MALRD1: variants seen among roughly 807,000 people sequenced by gnomAD.
The protein encoded by MALRD1 is MAM and LDL-receptor class A domain-containing protein 1.
MALRD1 carries 247 observed loss-of-function variants against 242.1 expected under a neutral mutation model. The observed-to-expected ratio is 1.02, with a 90% CI of 0.92 to 1.13. The LOEUF (loss-of-function observed/expected upper bound fraction) is 1.13. MALRD1 is among the 50% of genes most tolerant of loss of function. The pLI, the probability that MALRD1 is intolerant of heterozygous loss-of-function variation, is 0.00. For synonymous variants in MALRD1, 995 were observed against 866.6 expected, an observed-to-expected ratio of 1.15 and a Z score of -2.60; for missense variants, 2,989 against 2,533.1, an observed-to-expected ratio of 1.18 and a Z score of -3.86.
rs542462202 is a variant in MALRD1 at position 19,552,972 on chromosome 10, T to C, written c.5479-14530T>C. Among the ~76,000 whole-genome samples the C allele has an allele frequency of 1.7e-4, 26 of 152,240 alleles. No individual in the cohort carries two copies. The East Asian group carries it at 3.7e-3, about 22-fold the overall frequency. ...AAACAAATTTTAATATGCAAGTGTT[T>C]ATTTATATAATACATAAACGGAAAA... On this transcript the variant is annotated intron_variant, in intron 32 of 39. Coordinates refer to ENST00000454679, the MANE Select transcript of MALRD1 (RefSeq NM_001142308.3).
intron 9 of MALRD1, among the ~76,000 whole-genome samples, chr10:19,134,732 GTTTC>G (rs1240558372): frequency 6.6e-6 from 1 of 152,072 alleles, no homozygotes; most frequent in Non-Finnish European, 1.5e-5. Flanking sequence ...TACTAAACAA[GTTTC>G]TTTTTTTATA....
intron 31 of MALRD1, among the ~76,000 whole-genome samples, chr10:19,503,978 A>G (rs1838087549): frequency 6.6e-6 from 1 of 152,236 alleles, no homozygotes; most frequent in Non-Finnish European, 1.5e-5. Context: ...CAAGCTTACT[A>G]TCATGCATTT....
intron 30 of MALRD1, among the ~76,000 whole-genome samples, chr10:19,496,133 C>T (rs866097378): frequency 1.3e-5 from 2 of 152,134 alleles, no homozygotes; most frequent in Non-Finnish European, 2.9e-5. Context: ...AAGACTTCAA[C>T]ACCCCACTGA....
chr10:19,533,137 A>G (rs977650296), intron 32 of MALRD1, among the ~76,000 whole-genome samples: 1 of 152,322 alleles, frequency 6.6e-6, no homozygotes, highest in South Asian at 2.1e-4. Flanking sequence ...CAATTCAAAA[A>G]GACCACCCCT....
intron 31 of MALRD1, among the ~76,000 whole-genome samples, chr10:19,513,631 C>T (rs1350976936): frequency 2.0e-5 from 3 of 151,470 alleles, no homozygotes; most frequent in East Asian, 1.9e-4. Flanking sequence ...CCCAGCTACT[C>T]GGGAGGCTGA....
In MALRD1 at chr10:19,530,381, A is replaced by ATATAATAT. The variant is rs1431759440; in HGVS notation, c.5321-812_5321-811insATAATATT. Among the ~76,000 whole-genome samples, 45 of 90,232 alleles carry ATATAATAT rather than the reference A, an allele frequency of 5.0e-4. 2 individuals carry two copies. In the South Asian group the frequency reaches 8.8e-3, roughly 18 times the overall value. The allele number at this position is 90,232 out of a possible 152,430, so 59.2% of individuals were successfully genotyped here. A position where few individuals can be genotyped will look rare whatever the true frequency, so the allele number is the denominator to read the frequency against. ...TATTTATATAAATATTTATATAAAT[A>ATATAATAT]TTATATATTTATATAAATATTATAT... On this transcript the variant is annotated intron_variant, in intron 31 of 39. Coordinates refer to ENST00000454679, the MANE Select transcript of MALRD1 (RefSeq NM_001142308.3).
intron 28 of MALRD1, among the ~76,000 whole-genome samples, chr10:19,431,912 A>G (rs1294776009): frequency 6.6e-6 from 1 of 152,088 alleles, no homozygotes; most frequent in East Asian, 1.9e-4. Flanking sequence ...GCCTTTACTT[A>G]TTACTCCTCC....
intron 29 of MALRD1, chr10:19,489,132 C>T (rs1195878881): frequency 2.1e-6 from 1 of 466,442 alleles, no homozygotes; most frequent in Middle Eastern, 3.2e-4. Context: ...CTGAAGGGGC[C>T]GCCACAGGAA....
intron 18 of MALRD1, among the ~76,000 whole-genome samples, chr10:19,251,444 C>T (rs1436362555): frequency 1.3e-5 from 2 of 151,940 alleles, no homozygotes; most frequent in Non-Finnish European, 2.9e-5. Flanking sequence ...GTATTCCTCT[C>T]CTATGGTGTG....
intron 36 of MALRD1, among the ~76,000 whole-genome samples, chr10:19,664,032 T>C (rs1339342419): frequency 6.6e-6 from 1 of 151,944 alleles, no homozygotes; most frequent in Non-Finnish European, 1.5e-5. Context: ...AGGGAATTCA[T>C]CCCTAAGTGG....
At chr10:19,708,199 C>A (rs1833949647) in intron 38 of MALRD1, among the ~76,000 whole-genome samples, 1 of 120,352 alleles carries the variant, frequency 8.3e-6, no homozygotes, top group East Asian at 2.5e-4. Context: ...TATATATTTT[C>A]TTATGTATAA....
intron 22 of MALRD1, among the ~76,000 whole-genome samples, chr10:19,325,010 T>C (rs1157976900): frequency 1.2e-4 from 17 of 146,994 alleles, no homozygotes; most frequent in African/African-American, 4.0e-4. Flanking sequence ...TAGTTGCTTT[T>C]TTTTTTTTTT....
chr10:19,066,985 C>A, intron 2 of MALRD1, 126 bp downstream of exon 2: 1 of 632,826 alleles, frequency 1.6e-6, no homozygotes, highest in Non-Finnish European at 2.3e-6. Context: ...ATTAGGGAAG[C>A]AGAATCTTGT....
intron 36 of MALRD1, among the ~76,000 whole-genome samples, chr10:19,648,660 C>G (rs1316649219): frequency 6.6e-6 from 1 of 151,988 alleles, no homozygotes; most frequent in African/African-American, 2.4e-5. Flanking sequence ...AACCCTTAGT[C>G]AAAGAAAAAA....
At chr10:19,257,898 C>A in intron 19 of MALRD1, 127 bp downstream of exon 19, 2 of 591,042 alleles carry the variant, frequency 3.4e-6, no homozygotes, top group Non-Finnish European at 5.5e-6. Flanking sequence ...TTTCTCAAAA[C>A]TATTAACTCT....
At chr10:19,328,304 T>C (rs917081344) in intron 23 of MALRD1, among the ~76,000 whole-genome samples, 6 of 152,156 alleles carry the variant, frequency 3.9e-5, no homozygotes, top group Admixed American at 2.6e-4. Context: ...AAGACCTCCA[T>C]TGGCTGTTGT....
intron 28 of MALRD1, among the ~76,000 whole-genome samples, chr10:19,430,862 T>A (rs910708703): frequency 1.3e-5 from 2 of 152,206 alleles, no homozygotes; most frequent in African/African-American, 4.8e-5. Context: ...AAGTTGTGTT[T>A]CTATTATTTT....
intron 14 of MALRD1, among the ~76,000 whole-genome samples, chr10:19,178,043 T>G (rs1426017965): frequency 1.3e-5 from 2 of 152,126 alleles, no homozygotes; most frequent in African/African-American, 4.8e-5. Flanking sequence ...TTTCCTGAGC[T>G]CTTACCGAGG....
intron 13 of MALRD1, among the ~76,000 whole-genome samples, chr10:19,167,578 T>C (rs1834750666): frequency 6.6e-6 from 1 of 152,162 alleles, no homozygotes; most frequent in South Asian, 2.1e-4. Flanking sequence ...AAAATAATGC[T>C]TGATCTTAGA....
Sources: gnomAD v4.1 joint callset for allele counts (sites outside exome capture counted in the v4.1 genomes callset) on GRCh38, gnomAD v4.1.1 for gene constraint, MANE v1.5 for transcripts, NCBI Gene and HGNC (gene_info 2026-07-23, HGNC 2026-07-21) for gene names.